Variants in UBE2J2 observed in about 807,000 individuals in gnomAD.
UBE2J2 encodes the protein ubiquitin-conjugating enzyme E2 J2.
In UBE2J2, 5 loss-of-function variants were observed where a neutral mutation model predicts 28.6. The ratio of observed to expected loss-of-function variants is 0.17; its 90% CI spans 0.09 to 0.37. UBE2J2 has a LOEUF of 0.37. UBE2J2 is among the 10% of genes least tolerant of loss of function. UBE2J2 has a pLI of 1.00. For synonymous variants in UBE2J2, 138 were observed against 139.7 expected, an observed-to-expected ratio of 0.99 and a Z score of 0.09; for missense variants, 226 against 338.9, an observed-to-expected ratio of 0.67 and a Z score of 2.62.
intron 2 of UBE2J2, among the ~76,000 whole-genome samples, chr1:1,265,101 T>C (rs1022752199): frequency 6.6e-6 from 1 of 152,154 alleles, no homozygotes; most frequent in Non-Finnish European, 1.5e-5. Context: ...CTGCGAAAAC[T>C]GGGAAGAAAT....
Position 1,257,290 on chromosome 1 carries a change from G to A in UBE2J2, c.193C>T (p.Leu65=), listed in dbSNP as rs1639242551. ...PYEGGYYHGK[L]IFPREFPFKP... ...AAAGGAAATTCTCTGGGAAAAATTA[G>A]TTTTCCATGATAATAGCCACCTACA... The change falls in exon 4 of 7, where the codon CTA becomes TTA. Residue 65 remains leucine, a synonymous_variant. Coordinates refer to ENST00000349431, the MANE Select transcript of UBE2J2 (RefSeq NM_058167.3). The A allele has an allele frequency of 6.2e-7, 1 of 1,610,244 alleles. No individual in the cohort carries two copies. The highest frequency in any genetic ancestry group is 1.3e-5 in the African/African-American group (1 of 74,488).
chr1:1,257,167 C>T (rs763463598), intron 4 of UBE2J2, 37 bp from the exon 5 acceptor site: 7 of 1,603,950 alleles, frequency 4.4e-6, no homozygotes, highest in Non-Finnish European at 5.1e-6. Context: ...ACACTCCCCA[C>T]CGCAGCCAGA....
intron 3 of UBE2J2, among the ~76,000 whole-genome samples, chr1:1,259,661 C>T (rs1376928976): frequency 2.0e-5 from 3 of 152,192 alleles, no homozygotes; most frequent in Admixed American, 1.3e-4. Flanking sequence ...CCCCCTTCCT[C>T]GAGCTGATCC....
intron 3 of UBE2J2, among the ~76,000 whole-genome samples, chr1:1,259,101 T>TGTGTGTGCATGCCATCAGGACGCAC (rs1284101006): frequency 4.5e-5 from 6 of 133,828 alleles, no homozygotes; most frequent in Admixed American, 2.8e-4. Context: ...CGTGTGTGCA[T>TGTGTGTGCATGCCATCAGGACGCAC]GTGTGTGCAT....
At chr1:1,259,293 C>A in intron 3 of UBE2J2, among the ~76,000 whole-genome samples, 1 of 149,902 alleles carries the variant, frequency 6.7e-6, no homozygotes, top group Non-Finnish European at 1.5e-5. Context: ...GCCATCAGGA[C>A]GCGTGTGCAC....
intron 2 of UBE2J2, among the ~76,000 whole-genome samples, chr1:1,267,037 C>A (rs1392615658): frequency 1.3e-5 from 2 of 151,690 alleles, no homozygotes; most frequent in African/African-American, 2.4e-5. Context: ...TACAGGTGTG[C>A]GCCATCATGC....
At chr1:1,264,460 C>T (rs965144439) in intron 2 of UBE2J2, among the ~76,000 whole-genome samples, 2 of 152,136 alleles carry the variant, frequency 1.3e-5, no homozygotes, top group East Asian at 1.9e-4. Context: ...TGCCCCAGGA[C>T]ATGTGTGCCA....
At chr1:1,261,715 C>T (rs1468859133) in intron 3 of UBE2J2, among the ~76,000 whole-genome samples, 3 of 148,264 alleles carry the variant, frequency 2.0e-5, no homozygotes, top group Non-Finnish European at 4.4e-5. Flanking sequence ...GCAGCGATCT[C>T]GGCTCACTGC....
chr1:1,258,613 A>G (rs1570544245), intron 3 of UBE2J2, among the ~76,000 whole-genome samples: 1 of 151,820 alleles, frequency 6.6e-6, no homozygotes, highest in East Asian at 1.9e-4. Context: ...CCCTGTGCAC[A>G]CTCCAGGCCA....
chr1:1,268,355 G>A lies in UBE2J2; in HGVS notation c.1-363C>T, dbSNP rs1570577660. On this transcript the variant is annotated intron_variant, in intron 1 of 6. Transcript: ENST00000349431. This position sits in a 1 kb window ranked among gnomAD's most constrained non-coding sequence, Gnocchi z 4.7. The stretch of plus-strand genomic sequence containing the variant: ...GACCAGCTCCTGAGGGCAGCTACTC[G>A]CACCTTCCAACTCAGCTCAAGGACC... Among the ~76,000 whole-genome samples the A allele has an allele frequency of 6.6e-6, 1 of 152,048 alleles. No homozygotes were observed. Among genetic ancestry groups the A allele is most frequent in the Non-Finnish European group, 1.5e-5 (1 of 68,022 alleles).
chr1:1,268,096 G>A lies in UBE2J2; in HGVS notation c.1-104C>T, dbSNP rs543455689. 575 of 1,496,808 alleles carry A rather than the reference G, an allele frequency of 3.8e-4. 2 individuals are homozygous for A. The highest frequency in any genetic ancestry group is 2.5e-4 in the Non-Finnish European group (274 of 1,094,088). The allele number at this position is 1,496,808 out of a possible 1,614,324, so 92.7% of individuals were successfully genotyped here. A position where few individuals can be genotyped will look rare whatever the true frequency, so the allele number is the denominator to read the frequency against. ...GCCTCTGCAGCCCGCCATTCATTCA[G>A]GGCCCGGTCACCCAGAGTCACAGCT... is the stretch of plus-strand genomic sequence containing the variant. On this transcript the variant is annotated intron_variant, in intron 1 of 6. Coordinates refer to ENST00000349431, the MANE Select transcript of UBE2J2 (RefSeq NM_058167.3). The surrounding 1 kb of genome is among the most constrained non-coding windows in gnomAD (Gnocchi z 4.7).
intron 3 of UBE2J2, chr1:1,262,741 C>A (rs1170660281): frequency 5.7e-6 from 1 of 176,892 alleles, no homozygotes; most frequent in Admixed American, 5.5e-5. Context: ...CGCCAAAGGC[C>A]CCAGAAACTT....
Position 1,253,937 on chromosome 1 carries a change from A to G in UBE2J2, c.*1266T>C, listed in dbSNP as rs1483631108. 6.6e-6 allele frequency: 1 copy of G among 152,182 alleles called. No individual in the cohort carries two copies. The highest frequency in any genetic ancestry group is 1.5e-5 in the Non-Finnish European group (1 of 68,022). 9.4% of individuals were successfully genotyped at this position (152,182 alleles called of 1,614,324 possible). A position where few individuals can be genotyped will look rare whatever the true frequency, so the allele number is the denominator to read the frequency against. On this transcript the variant is annotated 3_prime_UTR_variant, in exon 7 of 7. Transcript: ENST00000349431. ...TTCAGAAATAAAGATATAATGAAAG[A>G]CCTTTTTTTTCCACAAGAATAGGTT... is the stretch of plus-strand genomic sequence containing the variant.
At chr1:1,259,978 TA>T (rs1186921067) in intron 3 of UBE2J2, among the ~76,000 whole-genome samples, 1 of 152,206 alleles carries the variant, frequency 6.6e-6, no homozygotes, top group East Asian at 1.9e-4. Flanking sequence ...TCTTGATCAC[TA>T]GGGGCTGCTC....
At chr1:1,257,366 G>A (rs1639249160) in intron 3 of UBE2J2, 56 bp from the exon 4 acceptor site, 4 of 1,059,460 alleles carry the variant, frequency 3.8e-6, no homozygotes, top group Non-Finnish European at 5.5e-6. Context: ...GGGGCTCCTG[G>A]AGACCTCGTC....
chr1:1,263,025 T>C (rs575866425), intron 3 of UBE2J2: 19 of 280,090 alleles, frequency 6.8e-5, no homozygotes, highest in Middle Eastern at 2.4e-3. Flanking sequence ...TTTGATGATA[T>C]GCACTGGGTC....
At chr1:1,266,819 T>C (rs1251087071) in intron 2 of UBE2J2, among the ~76,000 whole-genome samples, 1 of 152,172 alleles carries the variant, frequency 6.6e-6, no homozygotes, top group African/African-American at 2.4e-5. Context: ...AGTGCAAGAC[T>C]GTCTCAAAAA....
At position 1,260,443 on chromosome 1, in the gene UBE2J2, G is replaced by A. The variant is rs1201097456; in HGVS notation, c.172+2903C>T. On this transcript the variant is annotated intron_variant, in intron 3 of 6. Transcript: ENST00000349431. ...GACACCCTGCTGCCTCACTGCGTGC[G>A]CACACCTGTCGGGATGGGAGACGGG... Among the ~76,000 whole-genome samples the A allele has an allele frequency of 3.3e-5, 5 of 152,170 alleles. 1 individual carries two copies. Among genetic ancestry groups the A allele is most frequent in the African/African-American group, 4.8e-5 (2 of 41,428 alleles).
chr1:1,273,437 C>G (rs1039477051), intron 1 of UBE2J2: 1 of 152,112 alleles, frequency 6.6e-6, no homozygotes, highest in Non-Finnish European at 1.5e-5. Flanking sequence ...GGAAACCCGG[C>G]CGAGTGGTCA....
Sources: allele counts gnomAD v4.1 joint callset (sites outside exome capture counted in the v4.1 genomes callset), GRCh38; gene constraint gnomAD v4.1.1; non-coding constraint Gnocchi (gnomAD v3.1); transcripts MANE v1.5; gene names NCBI Gene and HGNC (gene_info 2026-07-23, HGNC 2026-07-21).